Variants in UNC5B observed in about 807,000 individuals in gnomAD.
The protein encoded by UNC5B is netrin receptor UNC5B.
Under a neutral mutation model 103.7 loss-of-function variants are expected in UNC5B, and 56 were observed. The ratio of observed to expected loss-of-function variants is 0.54; its 90% confidence interval spans 0.44 to 0.67. The LOEUF is 0.67. Ranked by LOEUF, UNC5B falls within the 30% of genes least tolerant of loss-of-function variation. The pLI is 0.00. For synonymous variants in UNC5B, 577 were observed against 542.0 expected (o/e 1.06, Z -0.90); for missense variants, 1,194 against 1,284.5 (o/e 0.93, Z 1.08).
chr10:71,239,509 T>C (rs1194308676), intron 1 of UNC5B, among the ~76,000 whole-genome samples: 2 of 152,118 alleles, frequency 1.3e-5, no homozygotes, highest in Non-Finnish European at 2.9e-5. Flanking sequence ...TTGGGCCCTG[T>C]TTCCCCATCA....
intron 6 of UNC5B, among the ~76,000 whole-genome samples, chr10:71,288,149 A>C (rs963097537): frequency 3.3e-5 from 5 of 152,090 alleles, no homozygotes; most frequent in African/African-American, 1.2e-4. Context: ...GACCCTATTC[A>C]TACTGACAGT....
intron 1 of UNC5B, among the ~76,000 whole-genome samples, chr10:71,270,593 C>T (rs74147804): frequency 0.12 from 17,555 of 152,036 alleles, 1,110 homozygotes; most frequent in African/African-American, 0.17. Flanking sequence ...AGGGTCCAGG[C>T]GGGAAGACCT....
At chr10:71,239,648 C>T (rs1843851862) in intron 1 of UNC5B, among the ~76,000 whole-genome samples, 1 of 152,190 alleles carries the variant, frequency 6.6e-6, no homozygotes, top group South Asian at 2.1e-4. Context: ...CACTCCACCC[C>T]CAGTCCTCTG....
intron 2 of UNC5B, among the ~76,000 whole-genome samples, chr10:71,282,623 G>T (rs1005099700): frequency 6.6e-6 from 1 of 152,114 alleles, no homozygotes; most frequent in Non-Finnish European, 1.5e-5. Context: ...GAGCCAGCCT[G>T]TGGGCAGCCA....
At chr10:71,283,608 C>T (rs1844986691) in intron 2 of UNC5B, among the ~76,000 whole-genome samples, 1 of 152,206 alleles carries the variant, frequency 6.6e-6, no homozygotes, top group Admixed American at 6.5e-5. Context: ...TTCTGAGACA[C>T]AAGGCAGTCA....
intron 1 of UNC5B, among the ~76,000 whole-genome samples, chr10:71,263,402 C>T (rs1844457046): frequency 6.6e-6 from 1 of 152,152 alleles, no homozygotes; most frequent in South Asian, 2.1e-4. Context: ...TTTCGGGATG[C>T]CCCTGATGAC....
intron 1 of UNC5B, among the ~76,000 whole-genome samples, chr10:71,237,462 C>T (rs569203243): frequency 1.3e-4 from 20 of 152,324 alleles, no homozygotes; most frequent in Non-Finnish European, 2.4e-4. Context: ...GTCTGAAACT[C>T]GGCTCTGCCT....
At position 71,296,851 on chromosome 10, in the gene UNC5B, AGG is replaced by A. The variant is rs1845442182; in HGVS notation, c.2490+111_2490+112del. 4,093 of 544,382 alleles carry A rather than the reference AGG, an allele frequency of 7.5e-3. 2 individuals are homozygous for A. Among genetic ancestry groups the A allele is most frequent in the Middle Eastern group, 0.011 (21 of 1,972 alleles). The allele number at this position is 544,382 out of a possible 1,614,324, so 33.7% of individuals were successfully genotyped here. A position where few individuals can be genotyped will look rare whatever the true frequency, so the allele number is the denominator to read the frequency against. On this transcript the variant is annotated intron_variant, in intron 15 of 16. Transcript: ENST00000335350. Reference sequence around the variant, plus strand: ...ACACCACGCTGGCGGAGGTGAGGGAAGGGTGGGGCAGATATTCCAGCTGCACA... The same window carrying A: ...ACACCACGCTGGCGGAGGTGAGGGAAGTGGGGCAGATATTCCAGCTGCACA...
chr10:71,293,693 C>T lies in UNC5B; in HGVS notation c.1942-7C>T. 2 of 1,594,056 alleles carry T rather than the reference C, an allele frequency of 1.3e-6. No individual in the cohort carries two copies. The highest frequency in any genetic ancestry group is 8.5e-7 in the Non-Finnish European group (1 of 1,169,768). ...GACCACTACCCCACCCTTGCTGTCC[C>T]CTACAGGAGGTGGTGACCCTGGATG... On this transcript the variant is annotated splice_region_variant and splice_polypyrimidine_tract_variant and intron_variant, in intron 12 of 16. Transcript: ENST00000335350.
chr10:71,254,521 C>T (rs902529009), intron 1 of UNC5B, among the ~76,000 whole-genome samples: 1 of 152,220 alleles, frequency 6.6e-6, no homozygotes, highest in Non-Finnish European at 1.5e-5. Context: ...CCTGGGAAGT[C>T]GGCTTACTGT....
At chr10:71,284,181 T>C (rs953007856) in intron 2 of UNC5B, among the ~76,000 whole-genome samples, 8 of 151,964 alleles carry the variant, frequency 5.3e-5, no homozygotes, top group Non-Finnish European at 7.4e-5. Context: ...TGGAGGGGGC[T>C]TTCCTCGGGA....
Position 71,296,684 on chromosome 10 carries a change from G to A in UNC5B, c.2432G>A (p.Cys811Tyr), listed in dbSNP as rs757521953. 6.2e-7 allele frequency: 1 copy of A among 1,612,952 alleles called. No individual in the cohort carries two copies. Among genetic ancestry groups the A allele is most frequent in the Non-Finnish European group, 8.5e-7 (1 of 1,179,474 alleles). ...TCCACAGAGCTCACCTGCAAGATCT[G>A]CGTGCGGCAAGTGGAAGGGGAGGGC... ...LASTELTCKI[C>Y]VRQVEGEGQI... Residue 811 changes from cysteine to tyrosine, a missense_variant, in exon 15 of 17, where the codon TGC (cysteine) becomes TAC (tyrosine). By Grantham distance (194) the Cys-to-Tyr change is radical. Coordinates refer to ENST00000335350, the MANE Select transcript of UNC5B (RefSeq NM_170744.5).
chr10:71,282,391 C>T (rs1033149607), intron 2 of UNC5B, among the ~76,000 whole-genome samples: 17 of 152,300 alleles, frequency 1.1e-4, no homozygotes, highest in African/African-American at 3.6e-4. Flanking sequence ...CCTGGGAGAC[C>T]GAAGGTCCCT....
At chr10:71,278,776 G>C (rs1461526733) in intron 1 of UNC5B, among the ~76,000 whole-genome samples, 1 of 152,238 alleles carries the variant, frequency 6.6e-6, no homozygotes, top group Non-Finnish European at 1.5e-5. Context: ...GCGGCCATGC[G>C]CCACCCCACA....
chr10:71,216,448 C>T (rs1843330696), intron 1 of UNC5B, among the ~76,000 whole-genome samples: 1 of 152,164 alleles, frequency 6.6e-6, no homozygotes, highest in Non-Finnish European at 1.5e-5. Flanking sequence ...CAGGCAAGTG[C>T]CCAAAGGTGG....
In UNC5B at chr10:71,293,559, C is replaced by G; in HGVS notation, c.1927C>G (p.Gln643Glu). 4.3e-6 allele frequency: 7 copies of G among 1,613,840 alleles called. No individual in the cohort carries two copies. The highest frequency in any genetic ancestry group is 2.2e-5 in the South Asian group (2 of 91,080). Residue 643 changes from glutamine to glutamate, a missense_variant, in exon 12 of 17, where the codon CAG becomes GAG. Transcript: ENST00000335350. ...WIFQLKTQAHQGHWEEVVTLD... is the reference protein window; with the variant it reads ...WIFQLKTQAHEGHWEEVVTLD... ...CTTTCAGCTCAAGACCCAGGCCCAC[C>G]AGGGCCACTGGGAGGTGAGGAGCCA... is the stretch of plus-strand genomic sequence containing the variant.
At chr10:71,235,914 G>C (rs1385817514) in intron 1 of UNC5B, among the ~76,000 whole-genome samples, 1 of 152,242 alleles carries the variant, frequency 6.6e-6, no homozygotes, top group Non-Finnish European at 1.5e-5. Context: ...TCGCCCACTG[G>C]CATGTCAGGA....
intron 15 of UNC5B, among the ~76,000 whole-genome samples, 185 bp downstream of exon 15, chr10:71,296,927 C>T (rs865831305): frequency 3.4e-5 from 5 of 146,186 alleles, no homozygotes; most frequent in African/African-American, 1.0e-4. Context: ...TCCAGCTGCA[C>T]ACCACGCTGG....
chr10:71,286,842 A>G lies in UNC5B; in HGVS notation c.706A>G (p.Ser236Gly), dbSNP rs753946127. 1.2e-6 allele frequency: 2 copies of G among 1,614,156 alleles called. No homozygotes were observed. The highest frequency in any genetic ancestry group is 2.2e-5 in the South Asian group (2 of 91,080). ...VAKNIVAKRRSTTATVIVYVN... is the reference protein window; with the variant it reads ...VAKNIVAKRRGTTATVIVYVN... Reference sequence around the variant, plus strand: ...CAAGAACATCGTGGCCAAACGCCGGAGCACCACTGCCACCGTCATCGTCTA... The same window carrying G: ...CAAGAACATCGTGGCCAAACGCCGGGGCACCACTGCCACCGTCATCGTCTA... Residue 236 changes from serine (S) to glycine (G), a missense_variant, in exon 5 of 17, where the codon AGC becomes GGC. Physicochemically the swap from Ser to Gly is moderately conservative, Grantham distance 56. Coordinates refer to ENST00000335350, the MANE Select transcript of UNC5B (RefSeq NM_170744.5).
Sources: allele counts gnomAD v4.1 joint callset (sites outside exome capture counted in the v4.1 genomes callset), GRCh38; gene constraint gnomAD v4.1.1; transcripts MANE v1.5; gene names NCBI Gene and HGNC (gene_info 2026-07-23, HGNC 2026-07-21).